DLGAP2: variants seen among roughly 807,000 people sequenced by gnomAD.
DLGAP2 encodes DLG associated protein 2.
In DLGAP2, 26 loss-of-function variants were observed where a neutral mutation model predicts 100.3. That is an observed-to-expected ratio of 0.26 (90% CI 0.19 to 0.36). The LOEUF (loss-of-function observed/expected upper bound fraction) is 0.36, where lower values mean the gene tolerates loss of function less well. DLGAP2 is among the 10% of genes least tolerant of loss of function. The pLI is 1.00. For missense variants in DLGAP2, 1,858 were observed against 1,453.2 expected (o/e 1.28, Z -4.53); for synonymous variants, 886 against 630.1 (o/e 1.41, Z -6.08).
chr8:1,213,759 C>G (rs1307870922), intron 2 of DLGAP2, among the ~76,000 whole-genome samples: 3 of 152,212 alleles, frequency 2.0e-5, no homozygotes, highest in Non-Finnish European at 4.4e-5. Context: ...GAAGTGCTTT[C>G]TGGACACCAG....
chr8:1,483,054 C>A (rs546056653), intron 3 of DLGAP2, among the ~76,000 whole-genome samples: 3 of 152,126 alleles, frequency 2.0e-5, no homozygotes, highest in African/African-American at 7.2e-5. Context: ...GAGCCTCCGG[C>A]GCGCGCGGCC....
At chr8:1,354,234 G>A (rs567643431) in intron 3 of DLGAP2, among the ~76,000 whole-genome samples, 37 of 152,286 alleles carry the variant, frequency 2.4e-4, no homozygotes, top group South Asian at 2.1e-3. Context: ...GGCCAGGCAC[G>A]GTGGCTCAAA....
chr8:1,408,183 G>A (rs983741052), intron 3 of DLGAP2, among the ~76,000 whole-genome samples: 5 of 152,148 alleles, frequency 3.3e-5, no homozygotes, highest in Non-Finnish European at 7.3e-5. Context: ...TTTTATTCCC[G>A]TAGTTGAAGA....
chr8:1,153,250 A>G (rs906109003), intron 2 of DLGAP2, among the ~76,000 whole-genome samples: 12 of 152,188 alleles, frequency 7.9e-5, no homozygotes, highest in African/African-American at 2.4e-4. Context: ...CGATCTGAAC[A>G]TGCCCAGATA....
intron 2 of DLGAP2, among the ~76,000 whole-genome samples, chr8:1,008,743 C>A (rs1801192862): frequency 6.6e-6 from 1 of 152,206 alleles, no homozygotes; most frequent in African/African-American, 2.4e-5. Flanking sequence ...CTCCCCCACC[C>A]CAGCACTGAG....
intron 3 of DLGAP2, among the ~76,000 whole-genome samples, chr8:1,357,637 A>T (rs2129642482): frequency 6.6e-6 from 1 of 152,302 alleles, no homozygotes; most frequent in African/African-American, 2.4e-5. Flanking sequence ...TTTTCAAAAT[A>T]AAGATTTTTT....
intron 1 of DLGAP2, among the ~76,000 whole-genome samples, chr8:850,734 A>G (rs1797169349): frequency 6.6e-6 from 1 of 152,196 alleles, no homozygotes; most frequent in African/African-American, 2.4e-5. Context: ...AATGTTGCGA[A>G]ACTATCTGGC....
In DLGAP2 at chr8:1,435,747, G is replaced by A. The variant is rs573124819; in HGVS notation, c.107-65619G>A. On this transcript the variant is annotated intron_variant, in intron 3 of 14. Transcript: ENST00000637795. ...CGATGGCAGCTCCACGTCTGTCACC[G>A]CCACTGCCCCTTAAGTCCTAACAGT... 3.2e-4 allele frequency among the ~76,000 whole-genome samples: 49 copies of A among 151,946 alleles called. 2 individuals carry two copies. The highest frequency in any genetic ancestry group is 2.6e-3 in the Admixed American group (40 of 15,258).
chr8:1,295,470 C>T (rs1262183446), intron 3 of DLGAP2, among the ~76,000 whole-genome samples: 57 of 152,150 alleles, frequency 3.7e-4, no homozygotes, highest in Non-Finnish European at 4.4e-5. Context: ...GGCCCCCAGC[C>T]ACGTCAGCGG....
chr8:1,173,251 C>G (rs1043269583), intron 2 of DLGAP2, among the ~76,000 whole-genome samples: 9 of 152,148 alleles, frequency 5.9e-5, no homozygotes, highest in African/African-American at 1.7e-4. Context: ...AGTTTTGTCT[C>G]AGAGGAGTAC....
chr8:1,170,409 G>A (rs1008493368), intron 2 of DLGAP2, among the ~76,000 whole-genome samples: 3 of 152,118 alleles, frequency 2.0e-5, no homozygotes, highest in Non-Finnish European at 4.4e-5. Flanking sequence ...AAATGAGTTA[G>A]GGAGGATTCC....
intron 3 of DLGAP2, among the ~76,000 whole-genome samples, chr8:1,477,127 C>T (rs1476281967): frequency 6.6e-6 from 1 of 152,216 alleles, no homozygotes; most frequent in Non-Finnish European, 1.5e-5. Flanking sequence ...CTCAAGAGGG[C>T]TTGACCCACC....
intron 2 of DLGAP2, among the ~76,000 whole-genome samples, chr8:1,052,227 A>G (rs1802739823): frequency 6.6e-6 from 1 of 152,110 alleles, no homozygotes; most frequent in Admixed American, 6.5e-5. Context: ...TCATGCATGT[A>G]GACAGTTCAT....
intron 1 of DLGAP2, among the ~76,000 whole-genome samples, chr8:764,483 A>G (rs573963404): frequency 1.5e-4 from 23 of 152,298 alleles, no homozygotes; most frequent in Admixed American, 5.9e-4. Flanking sequence ...AAACCCATCA[A>G]TGTGTCTTCT....
At chr8:1,474,787 C>T (rs973983936) in intron 3 of DLGAP2, among the ~76,000 whole-genome samples, 7 of 152,292 alleles carry the variant, frequency 4.6e-5, no homozygotes, top group Non-Finnish European at 8.8e-5. Context: ...CCAGTGCGAG[C>T]GTACATTGGT....
At chr8:1,662,773 G>T (rs1798437952) in intron 8 of DLGAP2, among the ~76,000 whole-genome samples, 2 of 152,382 alleles carry the variant, frequency 1.3e-5, no homozygotes, top group South Asian at 2.1e-4. Context: ...GTGTGAGTGT[G>T]GGGTGTGTGT....
chr8:1,012,966 G>C (rs1801340499), intron 2 of DLGAP2, among the ~76,000 whole-genome samples: 1 of 152,172 alleles, frequency 6.6e-6, no homozygotes, highest in Non-Finnish European at 1.5e-5. Context: ...GTCCCTGCCA[G>C]TGTGGCTTCA....
intron 5 of DLGAP2, among the ~76,000 whole-genome samples, chr8:1,558,685 G>A (rs569676056): frequency 1.9e-4 from 24 of 125,120 alleles, no homozygotes; most frequent in Admixed American, 3.2e-4. Flanking sequence ...ATGCACACCC[G>A]TATACCTGCA....
chr8:1,623,997 A>G (rs1333449831), intron 6 of DLGAP2, among the ~76,000 whole-genome samples: 3 of 152,224 alleles, frequency 2.0e-5, no homozygotes, highest in Admixed American at 6.5e-5. Context: ...TCCACCTGTG[A>G]GGGCTGTCCA....
Sources: allele counts gnomAD v4.1 joint callset (sites outside exome capture counted in the v4.1 genomes callset), GRCh38; gene constraint gnomAD v4.1.1; transcripts MANE v1.5; gene names NCBI Gene and HGNC (gene_info 2026-07-23, HGNC 2026-07-21).